The following HOMER2 variants were observed in gnomAD, a reference collection of about 807,000 sequenced individuals.
HOMER2 encodes the protein homer scaffold protein 2, also known as homer protein homolog 2.
HOMER2 carries 27 observed loss-of-function variants against 47.0 expected under a neutral mutation model. The ratio of observed to expected loss-of-function variants is 0.57; its 90% CI spans 0.42 to 0.79. HOMER2 has a LOEUF of 0.79. HOMER2 is among the 30% of genes least tolerant of loss of function. HOMER2 has a pLI of 0.00. For missense variants in HOMER2, 443 were observed against 435.0 expected, an observed-to-expected ratio of 1.02 and a Z score of -0.16; for synonymous variants, 161 against 163.8, an observed-to-expected ratio of 0.98 and a Z score of 0.13.
chr15:82,921,584 C>T (rs1443284407), intron 1 of HOMER2, among the ~76,000 whole-genome samples: 1 of 152,204 alleles, frequency 6.6e-6, no homozygotes, highest in African/African-American at 2.4e-5. Context: ...GTCCCCCATC[C>T]CGCTGATATG....
intron 1 of HOMER2, among the ~76,000 whole-genome samples, chr15:82,925,124 C>T (rs2053823471): frequency 6.6e-6 from 1 of 152,192 alleles, no homozygotes; most frequent in Non-Finnish European, 1.5e-5. Context: ...ATTCAGAAAT[C>T]CCAAGCCTCT....
intron 1 of HOMER2, among the ~76,000 whole-genome samples, chr15:82,944,098 C>A (rs1323494957): frequency 6.6e-6 from 1 of 152,164 alleles, no homozygotes; most frequent in Non-Finnish European, 1.5e-5. Flanking sequence ...GTGTTCCCCA[C>A]AAGCATATTT....
In HOMER2 at chr15:82,928,148, A is replaced by G. The variant is rs142758727; in HGVS notation, c.5+24383T>C. ...TGCACTGCTGGCCTAAAGACCAGCC[A>G]GAAGTACACTACTGGGCTAAATCTA... On this transcript the variant is annotated intron_variant, in intron 1 of 8. Transcript: ENST00000450735. Among the ~76,000 whole-genome samples, 492 of 152,310 alleles carry G rather than the reference A, an allele frequency of 3.2e-3. 3 individuals are homozygous for G. Among genetic ancestry groups the G allele is most frequent in the Non-Finnish European group, 4.0e-3 (272 of 68,020 alleles).
chr15:82,851,034 A>G (rs778378930), intron 8 of HOMER2, 117 bp downstream of exon 8: 25 of 745,648 alleles, frequency 3.4e-5, no homozygotes, highest in Admixed American at 1.2e-4. Context: ...TTTTGTGAAT[A>G]GAAAATCTCT....
chr15:82,853,318 T>C (rs1351569497), intron 6 of HOMER2, among the ~76,000 whole-genome samples: 1 of 152,222 alleles, frequency 6.6e-6, no homozygotes, highest in African/African-American at 2.4e-5. Context: ...TCAGCTCTTT[T>C]CTTGAAAATG....
At chr15:82,980,518 T>C (rs535819227) in intron 1 of HOMER2, among the ~76,000 whole-genome samples, 1 of 152,346 alleles carries the variant, frequency 6.6e-6, no homozygotes, top group East Asian at 1.9e-4. Context: ...CATGTGGCTC[T>C]GCGTGGCGTG....
chr15:82,872,843 A>C (rs1014739443), intron 3 of HOMER2, among the ~76,000 whole-genome samples: 2 of 152,248 alleles, frequency 1.3e-5, no homozygotes, highest in African/African-American at 4.8e-5. Flanking sequence ...TAGCTGCATG[A>C]GGAGGAACCG....
chr15:82,900,734 A>T (rs1258039208), intron 1 of HOMER2, among the ~76,000 whole-genome samples: 2 of 152,146 alleles, frequency 1.3e-5, no homozygotes, highest in Non-Finnish European at 2.9e-5. Flanking sequence ...GCACCCTAGG[A>T]AGAGTCTGCA....
At chr15:82,868,981 C>T (rs1309276388) in intron 3 of HOMER2, among the ~76,000 whole-genome samples, 2 of 152,144 alleles carry the variant, frequency 1.3e-5, no homozygotes, top group Non-Finnish European at 2.9e-5. Context: ...CTGGCAATGA[C>T]CTAGAAGTTA....
chr15:82,864,660 T>C (rs1023561268), intron 3 of HOMER2, among the ~76,000 whole-genome samples: 2 of 141,870 alleles, frequency 1.4e-5, no homozygotes, highest in African/African-American at 5.4e-5. Flanking sequence ...TGCTTATAGT[T>C]TAAAGTACTT....
chr15:82,909,872 T>C (rs2053402590), intron 1 of HOMER2, among the ~76,000 whole-genome samples: 1 of 152,092 alleles, frequency 6.6e-6, no homozygotes, highest in Non-Finnish European at 1.5e-5. Context: ...CGGTGGCTCA[T>C]GCCTGTAATC....
At chr15:82,842,812 G>A (rs2051190300) in exon 2 of HOMER2, 1 of 152,168 alleles carries the variant, frequency 6.6e-6, no homozygotes, top group South Asian at 2.1e-4. Context: ...TGGCAAAAAT[G>A]GGATTTCATA....
At chr15:82,870,218 G>C (rs1310276385) in intron 3 of HOMER2, among the ~76,000 whole-genome samples, 1 of 152,124 alleles carries the variant, frequency 6.6e-6, no homozygotes, top group Admixed American at 6.6e-5. Context: ...AGTTTTTCTG[G>C]AGCAGGAAAT....
downstream of HOMER2, among the ~76,000 whole-genome samples, chr15:82,836,462 C>A (rs1207712135): frequency 6.6e-6 from 1 of 152,262 alleles, no homozygotes; most frequent in Non-Finnish European, 1.5e-5. Flanking sequence ...TTCCTGCCTG[C>A]CCCCAAAGGG....
intron 1 of HOMER2, among the ~76,000 whole-genome samples, chr15:82,950,918 T>C (rs879592857): frequency 1.5e-4 from 23 of 152,096 alleles, no homozygotes; most frequent in Admixed American, 5.9e-4. Context: ...ACAAGTACGG[T>C]GGATTGGTTT....
intron 2 of HOMER2, among the ~76,000 whole-genome samples, chr15:82,880,604 T>G (rs2052491503): frequency 6.6e-6 from 1 of 152,198 alleles, no homozygotes; most frequent in Non-Finnish European, 1.5e-5. Context: ...GAGGCTAATC[T>G]TCAGAGTGGG....
downstream of HOMER2, chr15:82,836,869 G>C (rs1404329946): frequency 6.6e-6 from 1 of 152,266 alleles, no homozygotes; most frequent in African/African-American, 2.4e-5. Flanking sequence ...GAGGCTCTCA[G>C]ACCATAGGGT....
chr15:82,880,602 T>C (rs905024146), intron 2 of HOMER2, among the ~76,000 whole-genome samples: 1 of 152,206 alleles, frequency 6.6e-6, no homozygotes, highest in Non-Finnish European at 1.5e-5. Flanking sequence ...GGGAGGCTAA[T>C]CTTCAGAGTG....
exon 2 of HOMER2, chr15:82,841,482 TAA>T (rs1445832097): frequency 1.3e-5 from 2 of 152,108 alleles, no homozygotes; most frequent in Non-Finnish European, 2.9e-5. Flanking sequence ...TATTTTACAC[TAA>T]GAGTCAAATT....
Sources: allele counts gnomAD v4.1 joint callset (sites outside exome capture counted in the v4.1 genomes callset), GRCh38; gene constraint gnomAD v4.1.1; transcripts MANE v1.5; gene names NCBI Gene and HGNC (gene_info 2026-07-23, HGNC 2026-07-21).